Variants in TTC34 observed in about 807,000 individuals in gnomAD.
TTC34 encodes the protein tetratricopeptide repeat protein 34.
In TTC34, 44 loss-of-function variants were observed where a neutral mutation model predicts 40.7. The ratio of observed to expected loss-of-function variants is 1.08; its 90% CI spans 0.85 to 1.39. The LOEUF is 1.39. Among genes scored for constraint, TTC34 ranks in the 40% most tolerant of loss-of-function variants. The pLI, the probability that TTC34 is intolerant of heterozygous loss-of-function variation, is 0.00. For synonymous variants in TTC34, 422 were observed against 398.6 expected, an observed-to-expected ratio of 1.06 and a Z score of -0.70; for missense variants, 884 against 838.0, an observed-to-expected ratio of 1.05 and a Z score of -0.68.
chr1:2,783,741 G>A, exon 6 of TTC34: 1 of 1,540,354 alleles, frequency 6.5e-7, no homozygotes, highest in Non-Finnish European at 8.8e-7. Flanking sequence ...CATAGCAGCG[G>A]GCTCGGGCAA....
chr1:2,693,186 C>T (rs1206407919), intron 6 of TTC34, among the ~76,000 whole-genome samples: 69 of 104,694 alleles, frequency 6.6e-4, no homozygotes, highest in Non-Finnish European at 8.9e-4. Flanking sequence ...GCACCCACAC[C>T]CCCAGGTGCG....
At chr1:2,788,577 C>T (rs528826345) in intron 3 of TTC34, among the ~76,000 whole-genome samples, 5 of 152,184 alleles carry the variant, frequency 3.3e-5, no homozygotes, top group African/African-American at 9.7e-5. Context: ...GTCAAAGCAG[C>T]TAGGGATTCA....
chr1:2,656,353 A>T (rs1639344398), intron 6 of TTC34, among the ~76,000 whole-genome samples: 3 of 147,910 alleles, frequency 2.0e-5, no homozygotes, highest in South Asian at 4.3e-4. Context: ...TGAGCATCTG[A>T]CAGCCTGGAA....
intron 2 of TTC34, among the ~76,000 whole-genome samples, chr1:2,791,516 C>CTTTACTTCCTCTCTTTCTTCTT (rs1404921916): frequency 2.0e-4 from 30 of 152,324 alleles, no homozygotes; most frequent in African/African-American, 7.0e-4. Context: ...AGAAGCAAAG[C>CTTTACTTCCTCTCTTTCTTCTT]CGCTGCGGTC....
chr1:2,683,440 T>G (rs1197365685), intron 6 of TTC34, among the ~76,000 whole-genome samples: 5 of 141,382 alleles, frequency 3.5e-5, no homozygotes, highest in Non-Finnish European at 6.2e-5. Flanking sequence ...CACCCCCAGG[T>G]GAGCATCCGA....
intron 6 of TTC34, among the ~76,000 whole-genome samples, chr1:2,764,252 GCA>G (rs1641726181): frequency 6.7e-6 from 1 of 150,274 alleles, no homozygotes; most frequent in Non-Finnish European, 1.5e-5. Context: ...GCCTGGAGCA[GCA>G]CGCACACCCC....
At chr1:2,760,963 C>G (rs1412512758) in intron 6 of TTC34, among the ~76,000 whole-genome samples, 1 of 64,686 alleles carries the variant, frequency 1.5e-5, no homozygotes, top group Admixed American at 1.4e-4. Context: ...AGCGTCCACA[C>G]CCCCAGGTGA....
Position 2,796,922 on chromosome 1 carries a change from C to T in TTC34, c.784+3122G>A, listed in dbSNP as rs532568264. Among the ~76,000 whole-genome samples, 24 of 152,306 alleles carry T rather than the reference C, an allele frequency of 1.6e-4. No homozygotes were observed. Among genetic ancestry groups the T allele is most frequent in the African/African-American group, 4.1e-4 (17 of 41,556 alleles). On this transcript the variant is annotated intron_variant, in intron 2 of 8. Coordinates refer to ENST00000401095, the Ensembl canonical transcript of TTC34. This position sits in a 1 kb window ranked among gnomAD's most constrained non-coding sequence, Gnocchi z 4.5. The stretch of plus-strand genomic sequence containing the variant: ...AAGAACCTCGGCACCACACGCCCAA[C>T]GCACACTCCTTGTCCTCTCCTTACG...
At chr1:2,683,295 G>A (rs556204439) in intron 6 of TTC34, among the ~76,000 whole-genome samples, 1 of 151,704 alleles carries the variant, frequency 6.6e-6, no homozygotes, top group South Asian at 2.1e-4. Context: ...CTGACAGCCT[G>A]GAACAGAATC....
intron 6 of TTC34, among the ~76,000 whole-genome samples, chr1:2,768,459 C>A (rs1483222639): frequency 4.6e-5 from 7 of 151,048 alleles, no homozygotes; most frequent in Non-Finnish European, 7.4e-5. Flanking sequence ...AACCCCACAA[C>A]TTCAAATAAG....
Position 2,687,368 on chromosome 1 carries a change from C to G in TTC34, c.2227-41805G>C, listed in dbSNP as rs546087104. Among the ~76,000 whole-genome samples, 45 of 149,586 alleles carry G rather than the reference C, an allele frequency of 3.0e-4. 3 individuals are homozygous for G. Among genetic ancestry groups the G allele is most frequent in the African/African-American group, 9.1e-4 (36 of 39,456 alleles). ...ACAGCCTGGAGCAGCACCCCCACCC[C>G]CAGGCGAGCATCTGACAGCCTGGAA... On this transcript the variant is annotated intron_variant, in intron 6 of 8. Transcript: ENST00000401095.
At chr1:2,753,429 T>A (rs1424867478) in intron 6 of TTC34, among the ~76,000 whole-genome samples, 7 of 102,666 alleles carry the variant, frequency 6.8e-5, no homozygotes, top group East Asian at 3.4e-4. Context: ...CAGGTGAGCA[T>A]CTGACAGCCT....
rs1403455881 is a variant in TTC34 at position 2,752,133 on chromosome 1, C to T, written c.2226+31476G>A. Among the ~76,000 whole-genome samples the T allele has an allele frequency of 2.9e-5, 3 of 103,012 alleles. 1 individual carries two copies. Among genetic ancestry groups the T allele is most frequent in the African/African-American group, 1.3e-4 (3 of 22,278 alleles). 67.6% of individuals were successfully genotyped at this position (103,012 alleles called of 152,430 possible). Reference sequence around the variant, plus strand: ...CAGCCTGGAGCAACACCCACGCCCCCAGGTGCGCATGTGATGGTCTGGAGC... The same window carrying T: ...CAGCCTGGAGCAACACCCACGCCCCTAGGTGCGCATGTGATGGTCTGGAGC... On this transcript the variant is annotated intron_variant, in intron 6 of 8. Transcript: ENST00000401095.
intron 6 of TTC34, among the ~76,000 whole-genome samples, chr1:2,683,618 C>A (rs6604994): frequency 1.5e-5 from 2 of 136,620 alleles, no homozygotes; most frequent in Admixed American, 7.2e-5. Flanking sequence ...TGACATCCTT[C>A]AGCAGCACCC....
Position 2,752,033 on chromosome 1 carries a change from T to A in TTC34, c.2226+31576A>T, listed in dbSNP as rs1439293178. Among the ~76,000 whole-genome samples, 7 of 117,560 alleles carry A rather than the reference T, an allele frequency of 6.0e-5. 3 individuals are homozygous for A. The highest frequency in any genetic ancestry group is 3.0e-4 in the South Asian group (1 of 3,342). The allele number at this position is 117,560 out of a possible 152,430, so 77.1% of individuals were successfully genotyped here. ...ACACCCAGCTGAGCATCTGACAGCG[T>A]GGAGCAGCACCGACACCCCCAGGCG... On this transcript the variant is annotated intron_variant, in intron 6 of 8. Transcript: ENST00000401095.
At chr1:2,654,053 C>G (rs1167795234) in intron 6 of TTC34, among the ~76,000 whole-genome samples, 1 of 77,504 alleles carries the variant, frequency 1.3e-5, no homozygotes, top group African/African-American at 3.5e-5. Flanking sequence ...CCCACACCAC[C>G]AGGTGAGCAT....
At chr1:2,637,738 TTAAG>T (rs1638820438) in exon 9 of TTC34, 1 of 152,074 alleles carries the variant, frequency 6.6e-6, no homozygotes, top group South Asian at 2.1e-4. Flanking sequence ...TAAACTCAGT[TTAAG>T]TCATAGACAG....
intron 6 of TTC34, among the ~76,000 whole-genome samples, chr1:2,686,691 G>C (rs200477877): frequency 1.7e-5 from 1 of 60,296 alleles, no homozygotes; most frequent in Non-Finnish European, 3.4e-5. Flanking sequence ...ACCCCCAGGT[G>C]CGCACGTGAC....
At chr1:2,654,921 C>T (rs548701189) in intron 6 of TTC34, among the ~76,000 whole-genome samples, 10 of 150,098 alleles carry the variant, frequency 6.7e-5, no homozygotes, top group African/African-American at 2.2e-4. Flanking sequence ...CAGCCTGAAG[C>T]AGCACCCACA....
Sources: allele counts gnomAD v4.1 joint callset (sites outside exome capture counted in the v4.1 genomes callset), GRCh38; gene constraint gnomAD v4.1.1; non-coding constraint Gnocchi (gnomAD v3.1); transcripts MANE v1.5; gene names NCBI Gene and HGNC (gene_info 2026-07-23, HGNC 2026-07-21).